Variants in TSHZ2 observed in about 807,000 individuals in gnomAD.
TSHZ2 encodes teashirt zinc finger homeobox 2.
TSHZ2 carries 21 observed loss-of-function variants against 74.4 expected under a neutral mutation model. The observed-to-expected ratio is 0.28, with a 90% CI of 0.20 to 0.41. TSHZ2 has a LOEUF of 0.41. Ranked by LOEUF, TSHZ2 falls within the 10% of genes least tolerant of loss-of-function variation. The probability of loss-of-function intolerance (pLI) is 1.00; values close to 1 mark genes in which losing one functional copy is unlikely to be tolerated. For missense variants in TSHZ2, 1,244 were observed against 1,293.5 expected (o/e 0.96, Z 0.59); for synonymous variants, 540 against 515.3 (o/e 1.05, Z -0.65).
chr20:53,203,743 T>A (rs956248294), intron 1 of TSHZ2, among the ~76,000 whole-genome samples: 5 of 152,078 alleles, frequency 3.3e-5, no homozygotes, highest in South Asian at 2.1e-4. Context: ...ATCTCCTGAT[T>A]TTTTAGGTCT....
intron 1 of TSHZ2, among the ~76,000 whole-genome samples, chr20:53,232,655 A>G (rs911485615): frequency 1.3e-5 from 2 of 152,194 alleles, no homozygotes; most frequent in African/African-American, 4.8e-5. Context: ...GCTGGAGCCC[A>G]GGAGTTAGAG....
chr20:53,431,627 G>C (rs993168183), intron 2 of TSHZ2, among the ~76,000 whole-genome samples: 1 of 152,042 alleles, frequency 6.6e-6, no homozygotes, highest in Non-Finnish European at 1.5e-5. Context: ...AACCCTGTGA[G>C]GTAGGAATTA....
rs372310172 is a variant in TSHZ2, at chr20:53,305,230, G to A, written c.*8+48659G>A. Among the ~76,000 whole-genome samples the A allele has an allele frequency of 2.0e-4, 30 of 152,126 alleles. No individual in the cohort carries two copies. The East Asian group carries it at 2.9e-3, about 15-fold the overall frequency. On this transcript the variant is annotated intron_variant, in intron 2 of 2. Transcript: ENST00000371497. ...TGGGATTACAGGCATGAGCCACCGC[G>A]CCTGGCCCTTAATGAACTCTTTAAA...
chr20:53,411,702 G>A (rs923366595), intron 2 of TSHZ2, among the ~76,000 whole-genome samples: 3 of 152,074 alleles, frequency 2.0e-5, no homozygotes, highest in African/African-American at 7.2e-5. Context: ...GTTGGCACGT[G>A]CATGTAATCC....
chr20:53,094,522 C>T (rs1985980699), intron 1 of TSHZ2, among the ~76,000 whole-genome samples: 1 of 152,128 alleles, frequency 6.6e-6, no homozygotes, highest in Admixed American at 6.5e-5. Context: ...CTCCAGAGAT[C>T]CTTTAGTGAC....
In TSHZ2 at chr20:52,982,443, C is replaced by T. The variant is rs201561468; in HGVS notation, c.40+9110C>T. On this transcript the variant is annotated intron_variant, in intron 1 of 2. Coordinates refer to ENST00000371497, the MANE Select transcript of TSHZ2 (RefSeq NM_173485.6). ...CCTAGACGGAGGATGCTGCCTTTAGCGGCATCTCCAGATAGAATCTTCAGG... is the reference window on the plus strand; with the variant it reads ...CCTAGACGGAGGATGCTGCCTTTAGTGGCATCTCCAGATAGAATCTTCAGG... Among the ~76,000 whole-genome samples the T allele has an allele frequency of 3.9e-5, 6 of 152,288 alleles. No homozygotes were observed. The East Asian group carries it at 9.7e-4, about 24-fold the overall frequency.
rs146171637 is a variant in TSHZ2 at position 53,485,034 on chromosome 20, A to C, written c.*9-2110A>C. Among the ~76,000 whole-genome samples, 7 of 152,342 alleles carry C rather than the reference A, an allele frequency of 4.6e-5. No homozygotes were observed. In the East Asian group the frequency reaches 1.3e-3, roughly 29 times the overall value. On this transcript the variant is annotated intron_variant, in intron 2 of 2. Coordinates refer to ENST00000371497, the MANE Select transcript of TSHZ2 (RefSeq NM_173485.6). ...AAGAAACTTCACTCAGATTGGGCTG[A>C]AGGAAATTGCATGCTTTCCACACAG...
At chr20:53,001,230 G>GTGTGTGTGTA (rs1555813624) in intron 1 of TSHZ2, among the ~76,000 whole-genome samples, 10 of 126,212 alleles carry the variant, frequency 7.9e-5, no homozygotes, top group Non-Finnish European at 1.2e-4. Flanking sequence ...GTGTGTGTGT[G>GTGTGTGTGTA]TGTGTGTGTG....
At chr20:53,375,157 G>C (rs1414661761) in intron 2 of TSHZ2, among the ~76,000 whole-genome samples, 2 of 151,920 alleles carry the variant, frequency 1.3e-5, no homozygotes, top group Non-Finnish European at 2.9e-5. Flanking sequence ...AAAAAACACT[G>C]GTCAATTTTT....
chr20:53,414,635 G>T (rs1264968957), intron 2 of TSHZ2, among the ~76,000 whole-genome samples: 3 of 151,976 alleles, frequency 2.0e-5, no homozygotes, highest in African/African-American at 7.3e-5. Context: ...TTCAGCCTGG[G>T]CAATAGAGCA....
At chr20:53,323,139 T>G (rs1979339198) in intron 2 of TSHZ2, among the ~76,000 whole-genome samples, 1 of 152,202 alleles carries the variant, frequency 6.6e-6, no homozygotes, top group African/African-American at 2.4e-5. Flanking sequence ...GGGAGAAGAT[T>G]CTTTCCAGCT....
At chr20:53,427,259 A>G (rs1983688330) in intron 2 of TSHZ2, among the ~76,000 whole-genome samples, 1 of 152,218 alleles carries the variant, frequency 6.6e-6, no homozygotes, top group African/African-American at 2.4e-5. Context: ...AGATTTAATT[A>G]GTCTGAATGG....
chr20:53,269,977 T>G (rs938829096), intron 2 of TSHZ2, among the ~76,000 whole-genome samples: 1 of 152,112 alleles, frequency 6.6e-6, no homozygotes. Context: ...CTCTGAGAGG[T>G]AGATGGAGAC....
chr20:53,133,708 G>C (rs923075091), intron 1 of TSHZ2, among the ~76,000 whole-genome samples: 1 of 151,840 alleles, frequency 6.6e-6, no homozygotes, highest in Non-Finnish European at 1.5e-5. Context: ...GAATTCTATC[G>C]CATTGCCAAA....
chr20:53,067,128 A>G (rs1265642331), intron 1 of TSHZ2, among the ~76,000 whole-genome samples: 1 of 152,226 alleles, frequency 6.6e-6, no homozygotes, highest in Non-Finnish European at 1.5e-5. Context: ...TCCGTTTATG[A>G]CAACGTGAAT....
At chr20:52,974,441 TG>T (rs1981250934) in intron 1 of TSHZ2, among the ~76,000 whole-genome samples, 1 of 152,226 alleles carries the variant, frequency 6.6e-6, no homozygotes, top group African/African-American at 2.4e-5. Context: ...GCTTTTAATG[TG>T]GGCGTTTTTA....
intron 2 of TSHZ2, among the ~76,000 whole-genome samples, chr20:53,368,439 G>A (rs1015400972): frequency 6.6e-6 from 1 of 152,074 alleles, no homozygotes; most frequent in Non-Finnish European, 1.5e-5. Context: ...GAGTAGCTGG[G>A]ATTACAGGTG....
At chr20:53,319,109 G>A (rs1002777694) in intron 2 of TSHZ2, among the ~76,000 whole-genome samples, 2 of 152,196 alleles carry the variant, frequency 1.3e-5, no homozygotes, top group Non-Finnish European at 2.9e-5. Context: ...AATTATGGGA[G>A]CTACAATTCA....
chr20:53,110,733 TTAAAATAAAA>T (rs71194459), intron 1 of TSHZ2, among the ~76,000 whole-genome samples: 2 of 151,074 alleles, frequency 1.3e-5, no homozygotes, highest in Non-Finnish European at 3.0e-5. Context: ...GCAGATAACA[TTAAAATAAAA>T]TAAAATAAAA....
Sources: gnomAD v4.1 joint callset for allele counts (sites outside exome capture counted in the v4.1 genomes callset) on GRCh38, gnomAD v4.1.1 for gene constraint, MANE v1.5 for transcripts, NCBI Gene and HGNC (gene_info 2026-07-23, HGNC 2026-07-21) for gene names.